Variants in STOML1 observed in about 807,000 individuals in gnomAD.
STOML1 encodes the protein stomatin like 1.
A neutral mutation model predicts 35.7 loss-of-function variants in STOML1; 27 were observed. The observed-to-expected ratio is 0.76, with a 90% CI of 0.56 to 1.04. The LOEUF is 1.04. Among genes scored for constraint, STOML1 ranks in the 50% least tolerant of loss-of-function variants. The pLI is 0.00. For synonymous variants in STOML1, 219 were observed against 227.9 expected (o/e 0.96, Z 0.35); for missense variants, 451 against 527.1 (o/e 0.86, Z 1.41).
chr15:73,991,871 T>C, intron 1 of STOML1: 1 of 689,216 alleles, frequency 1.5e-6, no homozygotes, highest in South Asian at 1.9e-5. Context: ...GGAGCAACGC[T>C]GGCTGGCTCT....
At chr15:73,990,702 C>A in intron 1 of STOML1, 1 of 1,198,996 alleles carries the variant, frequency 8.3e-7, no homozygotes, top group Non-Finnish European at 1.2e-6. Flanking sequence ...AGGCCTTATT[C>A]TCTGCTAGGC....
chr15:73,986,802 T>C (rs2141669456), intron 4 of STOML1: 1 of 152,404 alleles, frequency 6.6e-6, no homozygotes, highest in African/African-American at 2.4e-5. Flanking sequence ...GCTGGGAGCA[T>C]GGATGAAAGT....
chr15:73,984,052 G>C lies in STOML1; in HGVS notation c.1082C>G (p.Ala361Gly). The C allele has an allele frequency of 6.2e-7, 1 of 1,614,064 alleles. No individual in the cohort carries two copies. The change falls in exon 7 of 7, where the codon GCC becomes GGC. Residue 361 changes from alanine to glycine, a missense_variant. Transcript: ENST00000541638. ...GGGCCGCAGCTCTCTGCATAGCAGG[G>C]CCCGCAGGTCTGCCTCGGCCATCTC... ...VVEMAEADLR[A>G]LLCRELRPLG...
At position 73,985,226 on chromosome 15, in the gene STOML1, G is replaced by T. The variant is rs1035534128; in HGVS notation, c.790+92C>A. On this transcript the variant is annotated intron_variant, in intron 5 of 6. Coordinates refer to ENST00000541638, the MANE Select transcript of STOML1 (RefSeq NM_004809.5). Reference sequence around the variant, plus strand: ...TGTGGGCTGAACATCTGTGCAGGGTGTGTACTGCACAGAGCTGCTGGGATA... The same window carrying T: ...TGTGGGCTGAACATCTGTGCAGGGTTTGTACTGCACAGAGCTGCTGGGATA... 2.0e-5 allele frequency: 27 copies of T among 1,342,690 alleles called. No individual in the cohort carries two copies. The Admixed American group carries it at 7.5e-4, about 37-fold the overall frequency. 83.2% of individuals were successfully genotyped at this position (1,342,690 alleles called of 1,614,324 possible).
rs781444619 is a variant in STOML1, at chr15:73,984,699, G to T, written c.963C>A (p.Pro321=). Residue 321 remains proline, a synonymous_variant, in exon 6 of 7, where the codon CCC becomes CCA. Transcript: ENST00000541638. ...GGAAGTAGGCGCTTTGGGTGCCGCT[G>T]GGCAGGACGACATTGAACTGGTAGC... The part of the protein sequence containing the change: ...GACYQFNVVL[P]SGTQSAYFLD... The T allele has an allele frequency of 1.2e-6, 2 of 1,614,002 alleles. No individual in the cohort carries two copies. The highest frequency in any genetic ancestry group is 8.5e-7 in the Non-Finnish European group (1 of 1,180,040).
Position 73,992,120 on chromosome 15 carries a change from G to A in STOML1, c.104C>T (p.Pro35Leu), listed in dbSNP as rs963776164. 1.9e-6 allele frequency: 3 copies of A among 1,603,448 alleles called. No individual in the cohort carries two copies. Among genetic ancestry groups the A allele is most frequent in the East Asian group, 2.3e-5 (1 of 43,616 alleles). Residue 35 changes from proline to leucine, a missense_variant, in exon 1 of 7, where the codon CCG becomes CTG. Pro to Leu is a moderately conservative substitution (Grantham distance 98). Transcript: ENST00000541638. ...FLGSQKGCLS[P>L]ERGGVGTGAD... ...CCCTGTCCCCACGCCGCCCCGCTCC[G>A]GGGACAAGCAGCCCTTCTGCGAGCC... is the stretch of plus-strand genomic sequence containing the variant.
At chr15:73,989,956 C>T (rs922298471) in intron 2 of STOML1, 2 of 184,988 alleles carry the variant, frequency 1.1e-5, no homozygotes, top group Non-Finnish European at 2.3e-5. Context: ...CCTTTTCCCA[C>T]TGTACCACCC....
chr15:73,984,410 C>T (rs2069020114), intron 6 of STOML1, among the ~76,000 whole-genome samples: 1 of 152,216 alleles, frequency 6.6e-6, no homozygotes. Context: ...GGCACAGAGC[C>T]TGACAGGCAG....
chr15:73,994,163 C>T (rs2069366537), upstream of STOML1, among the ~76,000 whole-genome samples: 1 of 152,218 alleles, frequency 6.6e-6, no homozygotes, highest in South Asian at 2.1e-4. Flanking sequence ...TGTCCTAGCA[C>T]ACTCCTTGGG....
chr15:73,983,824 A>T lies in STOML1; in HGVS notation c.*113T>A. The T allele has an allele frequency of 7.7e-7, 1 of 1,294,890 alleles. No homozygotes were observed. Among genetic ancestry groups the T allele is most frequent in the Non-Finnish European group, 1.0e-6 (1 of 954,678 alleles). The allele number at this position is 1,294,890 out of a possible 1,614,324, so 80.2% of individuals were successfully genotyped here. ...TTCATGGGCTCTTGGCTGGGCCTGA[A>T]ATTTGTTAGGGCCTCAACTCTCTGT... On this transcript the variant is annotated 3_prime_UTR_variant, in exon 7 of 7. Coordinates refer to ENST00000541638, the MANE Select transcript of STOML1 (RefSeq NM_004809.5).
chr15:73,987,887 T>C (rs2069145631), intron 4 of STOML1: 1 of 152,246 alleles, frequency 6.6e-6, no homozygotes, highest in African/African-American at 2.4e-5. Flanking sequence ...GGACTGGCAT[T>C]TATCCCATTC....
chr15:73,992,591 T>A (rs2069318810), upstream of STOML1, among the ~76,000 whole-genome samples: 1 of 152,164 alleles, frequency 6.6e-6, no homozygotes, highest in African/African-American at 2.4e-5. Context: ...GAGGATCGCT[T>A]GAGGCCAGGA....
At position 73,985,519 on chromosome 15, in the gene STOML1, G is replaced by A. The variant is rs2069068479; in HGVS notation, c.595-6C>T. ...GTCACATCGTTGATCTCCAGCTGGAGGACAGTGTGAGGAGAAATGTAATTA... is the reference window on the plus strand; with the variant it reads ...GTCACATCGTTGATCTCCAGCTGGAAGACAGTGTGAGGAGAAATGTAATTA... On this transcript the variant is annotated splice_region_variant and splice_polypyrimidine_tract_variant and intron_variant, in intron 4 of 6. Coordinates refer to ENST00000541638, the MANE Select transcript of STOML1 (RefSeq NM_004809.5). 1 of 1,539,522 alleles carries A rather than the reference G, an allele frequency of 6.5e-7. No homozygotes were observed. Among genetic ancestry groups the A allele is most frequent in the Non-Finnish European group, 8.7e-7 (1 of 1,142,912 alleles).
intron 6 of STOML1, 50 bp downstream of exon 6, chr15:73,984,609 A>G: frequency 1.2e-6 from 2 of 1,602,248 alleles, no homozygotes; most frequent in Non-Finnish European, 1.7e-6. Context: ...GTAGGTAACA[A>G]GAAACCTAGC....
In STOML1 at chr15:73,981,471, T is replaced by G. The variant is rs1328526517; in HGVS notation, c.*2466A>C. On this transcript the variant is annotated 3_prime_UTR_variant, in exon 7 of 7. Coordinates refer to ENST00000541638, the MANE Select transcript of STOML1 (RefSeq NM_004809.5). ...CAGGTTATCTTGAAGAAAAATATAA[T>G]AAGAAGTGTCTAGTCCGGTATAAGG... The G allele has an allele frequency of 2.0e-5, 3 of 152,232 alleles. No homozygotes were observed. Among genetic ancestry groups the G allele is most frequent in the South Asian group, 2.1e-4 (1 of 4,834 alleles). 9.4% of individuals were successfully genotyped at this position (152,232 alleles called of 1,614,324 possible). A position where few individuals can be genotyped will look rare whatever the true frequency, so the allele number is the denominator to read the frequency against.
At chr15:73,994,524 A>C (rs2069378081), upstream of STOML1, 2 of 514,294 alleles carry the variant, frequency 3.9e-6, no homozygotes, top group Non-Finnish European at 7.1e-6. Flanking sequence ...GCCCCCCTGC[A>C]GCTCTGCCCT....
chr15:73,991,898 G>C, intron 1 of STOML1, 193 bp downstream of exon 1: 1 of 868,596 alleles, frequency 1.2e-6, no homozygotes, highest in Non-Finnish European at 1.7e-6. Context: ...AAAGCCCCAT[G>C]ACCCTAGGGA....
chr15:73,986,196 C>T (rs1018132877), intron 4 of STOML1: 2 of 152,134 alleles, frequency 1.3e-5, no homozygotes, highest in African/African-American at 4.9e-5. Context: ...CAACAGGGCA[C>T]TAGAGAAGTG....
At chr15:73,986,711 G>C (rs2069111863) in intron 4 of STOML1, 1 of 153,098 alleles carries the variant, frequency 6.5e-6, no homozygotes, top group Non-Finnish European at 1.5e-5. Flanking sequence ...CACTGGGCTG[G>C]CATGTGGGAG....
Sources: allele counts gnomAD v4.1 joint callset (sites outside exome capture counted in the v4.1 genomes callset), GRCh38; gene constraint gnomAD v4.1.1; transcripts MANE v1.5; gene names NCBI Gene and HGNC (gene_info 2026-07-23, HGNC 2026-07-21).